BCOR: variants seen among roughly 807,000 people sequenced by gnomAD.
The protein encoded by BCOR is BCL6 corepressor.
Under a neutral mutation model 86.7 loss-of-function variants are expected in BCOR, and 10 were observed. The observed-to-expected ratio is 0.12, with a 90% CI of 0.07 to 0.20. BCOR has a LOEUF of 0.20. Among genes scored for constraint, BCOR ranks in the 10% least tolerant of loss-of-function variants. BCOR has a pLI of 1.00. For missense variants in BCOR, 1,259 were observed against 1,452.1 expected (o/e 0.87, Z 2.16); for synonymous variants, 611 against 609.0 (o/e 1.00, Z -0.05).
At position 40,056,567 on chromosome X, in the gene BCOR, GA is replaced by G. The variant is rs769882821; in HGVS notation, c.4595+587del. Among the ~76,000 whole-genome samples, 5 of 112,074 alleles carry G rather than the reference GA, an allele frequency of 4.5e-5. 1 individual carries two copies. In the South Asian group the frequency reaches 1.9e-3, roughly 42 times the overall value. ...TGAGGGAATGCTATTTGCAAAGTGT[GA>G]AACACCAAATACATTTCCGTTTGGC... is the stretch of plus-strand genomic sequence containing the variant. On this transcript the variant is annotated intron_variant, in intron 11 of 14. Coordinates refer to ENST00000378444, the MANE Select transcript of BCOR (RefSeq NM_001123385.2).
chrX:40,121,559 C>T (rs1937486948), intron 1 of BCOR, among the ~76,000 whole-genome samples: 1 of 113,100 alleles, frequency 8.8e-6, no homozygotes, highest in Non-Finnish European at 1.9e-5. Flanking sequence ...CCGTGGAGAA[C>T]AGGACTGACA....
At chrX:40,145,856 C>A (rs1036317055) in intron 1 of BCOR, among the ~76,000 whole-genome samples, 2 of 111,984 alleles carry the variant, frequency 1.8e-5, no homozygotes, top group East Asian at 5.7e-4. Context: ...CCATTCGCAA[C>A]CCACGAGCTT....
chrX:40,102,009 C>A (rs774179472), upstream of BCOR, among the ~76,000 whole-genome samples: 2 of 112,066 alleles, frequency 1.8e-5, no homozygotes, highest in African/African-American at 6.5e-5. Context: ...GCTGCCCCAT[C>A]CTCCAAGCAC....
chrX:40,066,469 G>C (rs936788102), intron 6 of BCOR, among the ~76,000 whole-genome samples: 2 of 111,341 alleles, frequency 1.8e-5, no homozygotes, highest in African/African-American at 6.5e-5. Flanking sequence ...CACCTCCCCC[G>C]GTGGGCTTCA....
chrX:40,073,031 C>T lies in BCOR; in HGVS notation c.2315G>A (p.Ser772Asn), dbSNP rs2147219827. Residue 772 changes from serine to asparagine, a missense_variant, in exon 4 of 15, where the codon AGC becomes AAC. Transcript: ENST00000378444. ...NRFSEILETSSTKLHPDVPTD... is the reference protein window; with the variant it reads ...NRFSEILETSNTKLHPDVPTD... ...GGGGACATCTGGATGTAACTTGGTGCTGCTAGTTTCCAAAATCTCGGAAAA... is the reference window on the plus strand; with the variant it reads ...GGGGACATCTGGATGTAACTTGGTGTTGCTAGTTTCCAAAATCTCGGAAAA... The T allele has an allele frequency of 2.5e-6, 3 of 1,212,152 alleles. No homozygotes were observed. The highest frequency in any genetic ancestry group is 3.3e-6 in the Non-Finnish European group (3 of 895,579).
chrX:40,131,875 G>GTCATAACAACCCCA (rs1937606509), intron 1 of BCOR, among the ~76,000 whole-genome samples: 1 of 111,339 alleles, frequency 9.0e-6, no homozygotes, highest in African/African-American at 3.3e-5. Flanking sequence ...TACCGTGGTG[G>GTCATAACAACCCCA]TTTTAAACAC....
intron 1 of BCOR, among the ~76,000 whole-genome samples, chrX:40,091,199 G>A (rs907550492): frequency 7.2e-5 from 8 of 111,629 alleles, no homozygotes; most frequent in African/African-American, 2.6e-4. Context: ...AATTTTAGCA[G>A]GTCTCCTTTT....
At chrX:40,158,205 G>C (rs1042270643) in intron 1 of BCOR, among the ~76,000 whole-genome samples, 3 of 112,611 alleles carry the variant, frequency 2.7e-5, no homozygotes, top group African/African-American at 9.7e-5. Context: ...CGAAGTGGCA[G>C]GACTGGCCCT....
At chrX:40,077,749 AC>A (rs1935878217) in intron 2 of BCOR, 94 bp downstream of exon 2, 1 of 821,942 alleles carries the variant, frequency 1.2e-6, no homozygotes, top group Admixed American at 2.4e-5. Context: ...TTTCTCTCCC[AC>A]CCCTTTTGGG....
rs1362778235 is a variant in BCOR at position 40,090,553 on chromosome X, G to GCTCCA, written c.-41+6657_-41+6661dup. 5.4e-4 allele frequency among the ~76,000 whole-genome samples: 60 copies of GCTCCA among 111,808 alleles called. 1 individual carries two copies. The highest frequency in any genetic ancestry group is 5.3e-3 in the Admixed American group (57 of 10,754). On this transcript the variant is annotated intron_variant, in intron 1 of 14. Coordinates refer to ENST00000378444, the MANE Select transcript of BCOR (RefSeq NM_001123385.2). ...AGACGGCGGCCAGGGCAGACGCCTT[G>GCTCCA]CTCCACCCCACCCCACCCCCGCCTA...
chrX:40,064,091 C>T (rs1935053640), intron 7 of BCOR, 139 bp from the exon 8 acceptor site: 2 of 639,764 alleles, frequency 3.1e-6, no homozygotes, highest in Non-Finnish European at 4.7e-6. Flanking sequence ...TCATCTTTGG[C>T]CATCTGGGTT....
chrX:40,152,439 C>G (rs1214834045), intron 1 of BCOR, among the ~76,000 whole-genome samples: 1 of 112,386 alleles, frequency 8.9e-6, no homozygotes, highest in Non-Finnish European at 1.9e-5. Flanking sequence ...TGCTGGAGGG[C>G]TCGCCGCTGC....
chrX:40,145,265 C>T (rs1248595927), intron 1 of BCOR, among the ~76,000 whole-genome samples: 1 of 111,609 alleles, frequency 9.0e-6, no homozygotes, highest in East Asian at 2.9e-4. Flanking sequence ...GGGCCCACAC[C>T]CCTGGAACCT....
At chrX:40,077,730 G>A (rs777553853) in intron 2 of BCOR, 114 bp downstream of exon 2, 74 of 658,849 alleles carry the variant, frequency 1.1e-4, no homozygotes, top group Non-Finnish European at 1.6e-4. Context: ...CCTACTAGGC[G>A]GGAAGCTCTT....
At chrX:40,112,015 T>C (rs1937319337) in intron 1 of BCOR, among the ~76,000 whole-genome samples, 1 of 109,538 alleles carries the variant, frequency 9.1e-6, no homozygotes, top group Admixed American at 9.7e-5. Flanking sequence ...GATCACTGGT[T>C]ACTTCCTTGT....
chrX:40,062,848 T>A lies in BCOR; in HGVS notation c.4071A>T (p.Pro1357=). The change falls in exon 9 of 15, where the codon CCA becomes CCT. Residue 1357 remains proline (P), a synonymous_variant. Coordinates refer to ENST00000378444, the MANE Select transcript of BCOR (RefSeq NM_001123385.2). Reference sequence around the variant, plus strand: ...TGGTTTTGCACAGTCTCTTCCCGGATGGCTTCTCGCTGTTGTCGGTGTATT... The same window carrying A: ...TGGTTTTGCACAGTCTCTTCCCGGAAGGCTTCTCGCTGTTGTCGGTGTATT... The part of the protein sequence containing the change: ...LQKYTDNSEK[P]SGKRLCKTKH... 1 of 1,211,854 alleles carries A rather than the reference T, an allele frequency of 8.3e-7. No homozygotes were observed. Among genetic ancestry groups the A allele is most frequent in the South Asian group, 1.8e-5 (1 of 56,876 alleles).
intron 1 of BCOR, among the ~76,000 whole-genome samples, chrX:40,151,082 T>C (rs1427401053): frequency 1.8e-5 from 2 of 111,436 alleles, no homozygotes; most frequent in Non-Finnish European, 1.9e-5. Flanking sequence ...GGTACAAGCA[T>C]AGAACTGACC....
chrX:40,175,444 G>A (rs764210477), intron 1 of BCOR, among the ~76,000 whole-genome samples: 40 of 113,257 alleles, frequency 3.5e-4, no homozygotes, highest in Non-Finnish European at 6.0e-4. Context: ...GGCGAGAGGG[G>A]GAGAAAAAAT....
intron 1 of BCOR, among the ~76,000 whole-genome samples, chrX:40,141,515 C>A (rs1300946084): frequency 1.8e-5 from 2 of 112,059 alleles, no homozygotes; most frequent in African/African-American, 3.2e-5. Context: ...TAGCCCCCTT[C>A]TCTGCTGGGA....
Sources: allele counts gnomAD v4.1 joint callset (sites outside exome capture counted in the v4.1 genomes callset), GRCh38; gene constraint gnomAD v4.1.1; transcripts MANE v1.5; gene names NCBI Gene and HGNC (gene_info 2026-07-23, HGNC 2026-07-21).